Variants in NEGR1 observed in about 807,000 individuals in gnomAD.
NEGR1 encodes neuronal growth regulator 1.
Under a neutral mutation model 40.9 loss-of-function variants are expected in NEGR1, and 10 were observed. The ratio of observed to expected loss-of-function variants is 0.24; its 90% CI spans 0.15 to 0.42. The LOEUF is 0.42. Ranked by LOEUF, NEGR1 falls within the 10% of genes least tolerant of loss-of-function variation. NEGR1 has a pLI of 1.00. For missense variants in NEGR1, 352 were observed against 438.9 expected (o/e 0.80, Z 1.77); for synonymous variants, 185 against 166.8 (o/e 1.11, Z -0.84).
intron 5 of NEGR1, among the ~76,000 whole-genome samples, chr1:71,594,253 T>C (rs1247917364): frequency 1.3e-5 from 2 of 152,174 alleles, no homozygotes; most frequent in African/African-American, 4.8e-5. Context: ...GATCACAACA[T>C]AGGCTATGTA....
intron 1 of NEGR1, among the ~76,000 whole-genome samples, chr1:72,170,465 G>C (rs911975217): frequency 6.6e-6 from 1 of 152,124 alleles, no homozygotes; most frequent in African/African-American, 2.4e-5. Flanking sequence ...AGTAATACTA[G>C]TGTCTGGCAC....
intron 1 of NEGR1, among the ~76,000 whole-genome samples, chr1:72,208,875 G>C (rs1429326399): frequency 6.6e-6 from 1 of 151,484 alleles, no homozygotes; most frequent in Non-Finnish European, 1.5e-5. Context: ...AAACAGTCAA[G>C]TTACATCTAT....
chr1:71,438,931 A>C (rs901380139), intron 6 of NEGR1, among the ~76,000 whole-genome samples: 2 of 152,156 alleles, frequency 1.3e-5, no homozygotes, highest in Admixed American at 6.5e-5. Context: ...CCAGAGGCAC[A>C]TGTGGACAGG....
At chr1:71,440,988 A>G (rs1646543276) in intron 6 of NEGR1, among the ~76,000 whole-genome samples, 1 of 152,172 alleles carries the variant, frequency 6.6e-6, no homozygotes, top group Non-Finnish European at 1.5e-5. Flanking sequence ...CAATCAATTA[A>G]AAGACAGAAT....
intron 1 of NEGR1, among the ~76,000 whole-genome samples, chr1:72,060,668 A>G (rs991368739): frequency 6.6e-6 from 1 of 151,644 alleles, no homozygotes; most frequent in Non-Finnish European, 1.5e-5. Context: ...ATTCTGTGAC[A>G]TTCAATTTGA....
intron 6 of NEGR1, among the ~76,000 whole-genome samples, chr1:71,561,375 G>C (rs183132817): frequency 5.3e-5 from 8 of 151,444 alleles, no homozygotes; most frequent in Non-Finnish European, 1.2e-4. Context: ...AAAAATTTCC[G>C]CAGTTTGGAT....
At chr1:71,945,584 C>A (rs1439826202) in intron 1 of NEGR1, among the ~76,000 whole-genome samples, 2 of 151,310 alleles carry the variant, frequency 1.3e-5, no homozygotes, top group Admixed American at 1.3e-4. Flanking sequence ...ATTTACTCCC[C>A]TTTGAACTGC....
At chr1:72,196,460 C>A (rs971957828) in intron 1 of NEGR1, among the ~76,000 whole-genome samples, 2 of 151,974 alleles carry the variant, frequency 1.3e-5, no homozygotes, top group Non-Finnish European at 2.9e-5. Context: ...GGAAAAAATG[C>A]AATTTTATAC....
At chr1:71,733,750 C>G (rs1451104093) in intron 3 of NEGR1, among the ~76,000 whole-genome samples, 1 of 152,062 alleles carries the variant, frequency 6.6e-6, no homozygotes, top group Non-Finnish European at 1.5e-5. Context: ...AAATATAATA[C>G]AGTAGTGATA....
intron 3 of NEGR1, among the ~76,000 whole-genome samples, chr1:71,774,971 T>A (rs2061495): frequency 0.75 from 113,666 of 152,128 alleles, 44,369 homozygotes; most frequent in East Asian, 0.86. Context: ...ATTTCATTTC[T>A]ACTAGCTATG....
intron 2 of NEGR1, among the ~76,000 whole-genome samples, chr1:71,802,478 A>C (rs1322472624): frequency 2.0e-5 from 3 of 152,180 alleles, no homozygotes; most frequent in Non-Finnish European, 4.4e-5. Context: ...TCCCACTTGC[A>C]CCATAGGCCC....
At chr1:71,551,121 T>A (rs1648061885) in intron 6 of NEGR1, among the ~76,000 whole-genome samples, 1 of 151,620 alleles carries the variant, frequency 6.6e-6, no homozygotes, top group Non-Finnish European at 1.5e-5. Context: ...GTGGAATTTC[T>A]CCTAGCTTAA....
chr1:72,169,864 G>C (rs1651896362), intron 1 of NEGR1, among the ~76,000 whole-genome samples: 1 of 152,070 alleles, frequency 6.6e-6, no homozygotes, highest in South Asian at 2.1e-4. Flanking sequence ...AAAGACAAAT[G>C]AAAGACTTAA....
chr1:71,976,594 T>G (rs993225788), intron 1 of NEGR1, among the ~76,000 whole-genome samples: 5 of 152,200 alleles, frequency 3.3e-5, no homozygotes, highest in Non-Finnish European at 7.3e-5. Context: ...ATAATAATTA[T>G]CTTTTTGTAT....
At chr1:71,656,842 G>C (rs1651894704) in intron 4 of NEGR1, among the ~76,000 whole-genome samples, 1 of 152,124 alleles carries the variant, frequency 6.6e-6, no homozygotes, top group Non-Finnish European at 1.5e-5. Flanking sequence ...TTAATTACCT[G>C]GATGCATCTT....
At chr1:72,023,061 A>G (rs1010046608) in intron 1 of NEGR1, among the ~76,000 whole-genome samples, 2 of 152,186 alleles carry the variant, frequency 1.3e-5, no homozygotes, top group African/African-American at 4.8e-5. Context: ...TTGATGAAGT[A>G]TGAATAAAAT....
intron 3 of NEGR1, among the ~76,000 whole-genome samples, chr1:71,707,373 T>C (rs78174640): frequency 6.6e-6 from 1 of 152,306 alleles, no homozygotes; most frequent in East Asian, 1.9e-4. Flanking sequence ...GTGCTCCTCA[T>C]GGCCAAGGTT....
rs114243258 is a variant in NEGR1 at position 72,242,296 on chromosome 1, T to C, written c.176+40023A>G. 3.8e-3 allele frequency among the ~76,000 whole-genome samples: 580 copies of C among 151,778 alleles called. 5 individuals are homozygous for C. Among genetic ancestry groups the C allele is most frequent in the African/African-American group, 0.013 (557 of 41,512 alleles). On this transcript the variant is annotated intron_variant, in intron 1 of 6. Coordinates refer to ENST00000357731, the MANE Select transcript of NEGR1 (RefSeq NM_173808.3). The stretch of plus-strand genomic sequence containing the variant: ...AAATTTGACCTGTAATGAGAAAAAA[T>C]TAAGCTATAAAAAATTTATTAAGTC...
chr1:72,110,353 A>G (rs1345546932), intron 1 of NEGR1, among the ~76,000 whole-genome samples: 1 of 151,416 alleles, frequency 6.6e-6, no homozygotes, highest in African/African-American at 2.4e-5. Flanking sequence ...TCTTTTAATT[A>G]TAGATGTATA....
Sources: allele counts gnomAD v4.1 joint callset (sites outside exome capture counted in the v4.1 genomes callset), GRCh38; gene constraint gnomAD v4.1.1; transcripts MANE v1.5; gene names NCBI Gene and HGNC (gene_info 2026-07-23, HGNC 2026-07-21).